Variants in ZBTB16 observed in about 807,000 individuals in gnomAD.
The protein encoded by ZBTB16 is zinc finger and BTB domain-containing protein 16.
In ZBTB16, 8 loss-of-function variants were observed where a neutral mutation model predicts 56.8. The ratio of observed to expected loss-of-function variants is 0.14; its 90% CI spans 0.08 to 0.25. ZBTB16 has a LOEUF of 0.25. Ranked by LOEUF, ZBTB16 falls within the 10% of genes least tolerant of loss-of-function variation. The pLI is 1.00. For synonymous variants in ZBTB16, 363 were observed against 368.5 expected, an observed-to-expected ratio of 0.98 and a Z score of 0.17; for missense variants, 625 against 903.0, an observed-to-expected ratio of 0.69 and a Z score of 3.95.
chr11:114,147,557 ACAT>A (rs1436188594), intron 2 of ZBTB16, among the ~76,000 whole-genome samples: 1 of 152,228 alleles, frequency 6.6e-6, no homozygotes, highest in African/African-American at 2.4e-5. Context: ...CCTTGGGCTG[ACAT>A]CATCAAGCAT....
chr11:114,233,070 C>T (rs1363445048), intron 4 of ZBTB16, among the ~76,000 whole-genome samples: 2 of 26,200 alleles, frequency 7.6e-5, no homozygotes, highest in South Asian at 2.3e-3. Flanking sequence ...TACGCATGCG[C>T]GCGCGCGCGC....
At chr11:114,203,120 G>T (rs961111334) in intron 4 of ZBTB16, among the ~76,000 whole-genome samples, 2 of 152,052 alleles carry the variant, frequency 1.3e-5, no homozygotes, top group African/African-American at 4.8e-5. Context: ...CTATAATTTG[G>T]CCATAAAAAG....
At chr11:114,222,220 C>T (rs896642760) in intron 4 of ZBTB16, among the ~76,000 whole-genome samples, 9 of 152,018 alleles carry the variant, frequency 5.9e-5, no homozygotes, top group African/African-American at 2.2e-4. Context: ...GACTTTTGCC[C>T]GAAGACTCCA....
intron 3 of ZBTB16, among the ~76,000 whole-genome samples, chr11:114,166,201 CGTGTGT>C (rs3057730): frequency 0.24 from 32,139 of 133,912 alleles, 3,653 homozygotes; most frequent in East Asian, 0.33. Context: ...GACTGGTCTA[CGTGTGT>C]GTGTGTGTGT....
chr11:114,256,138 T>C lies in ZBTB16; in HGVS notation c.*5583T>C, dbSNP rs58885922. ...TCTGTATTACACATATTTAGACTTA[T>C]CTATGTGTCACTTTTATGCCACATT... On this transcript the variant is annotated 3_prime_UTR_variant, in exon 7 of 7. Coordinates refer to ENST00000335953, the MANE Select transcript of ZBTB16 (RefSeq NM_006006.6). Among the ~76,000 whole-genome samples the C allele has an allele frequency of 8.5e-5, 13 of 152,230 alleles. No individual in the cohort carries two copies. The East Asian group carries it at 2.1e-3, about 25-fold the overall frequency.
intron 3 of ZBTB16, among the ~76,000 whole-genome samples, chr11:114,183,133 G>C (rs374751388): frequency 6.6e-6 from 1 of 152,188 alleles, no homozygotes; most frequent in Non-Finnish European, 1.5e-5. Flanking sequence ...CCGGGTGGGC[G>C]TGGGAGTACT....
intron 4 of ZBTB16, among the ~76,000 whole-genome samples, chr11:114,229,618 C>T (rs557946336): frequency 1.6e-4 from 25 of 152,360 alleles, no homozygotes; most frequent in Admixed American, 1.6e-3. Flanking sequence ...TTCGTAGCTA[C>T]GTTCTCTGCT....
intron 4 of ZBTB16, among the ~76,000 whole-genome samples, chr11:114,224,190 A>G (rs1944288686): frequency 6.6e-6 from 1 of 152,200 alleles, no homozygotes; most frequent in African/African-American, 2.4e-5. Context: ...TAATATTGCC[A>G]TCATTTAGGC....
chr11:114,167,296 G>A, intron 3 of ZBTB16, among the ~76,000 whole-genome samples: 1 of 117,100 alleles, frequency 8.5e-6, no homozygotes, highest in Non-Finnish European at 1.6e-5. Flanking sequence ...CTCAGAGAGG[G>A]CTTGGCTGTG....
rs528334867 is a variant in ZBTB16, at chr11:114,251,096, C to T, written c.*541C>T. Among the ~76,000 whole-genome samples the T allele has an allele frequency of 1.2e-3, 181 of 152,258 alleles. No homozygotes were observed. The highest frequency in any genetic ancestry group is 3.9e-3 in the South Asian group (19 of 4,822). ...TGGGGAGGAGAAGGGCTCTGTTTCT[C>T]TTCCCACCACTCAGCCCACCTGCTG... On this transcript the variant is annotated 3_prime_UTR_variant, in exon 7 of 7. Coordinates refer to ENST00000335953, the MANE Select transcript of ZBTB16 (RefSeq NM_006006.6).
intron 3 of ZBTB16, among the ~76,000 whole-genome samples, chr11:114,174,714 T>G (rs1196594449): frequency 6.6e-6 from 1 of 152,216 alleles, no homozygotes; most frequent in Non-Finnish European, 1.5e-5. Flanking sequence ...GTGATAATCA[T>G]TGCACTCTTC....
intron 2 of ZBTB16, among the ~76,000 whole-genome samples, chr11:114,128,724 T>A (rs1472437842): frequency 1.3e-5 from 2 of 152,072 alleles, no homozygotes; most frequent in Non-Finnish European, 2.9e-5. Context: ...TGTCTGGCTG[T>A]GGGTTCTGGC....
chr11:114,120,333 C>T (rs1425281255), intron 2 of ZBTB16, among the ~76,000 whole-genome samples: 1 of 152,112 alleles, frequency 6.6e-6, no homozygotes, highest in African/African-American at 2.4e-5. Context: ...AGGGCAGCAG[C>T]CTGGAAGCAA....
chr11:114,082,961 C>T (rs756895105), intron 2 of ZBTB16, among the ~76,000 whole-genome samples: 3 of 152,236 alleles, frequency 2.0e-5, no homozygotes, highest in South Asian at 2.1e-4. Context: ...GTCTGCAAAC[C>T]GACAGTGGCA....
In ZBTB16 at chr11:114,063,106, G is replaced by T; in HGVS notation, c.-90-105G>T. 1 of 626,886 alleles carries T rather than the reference G, an allele frequency of 1.6e-6. No homozygotes were observed. Among genetic ancestry groups the T allele is most frequent in the East Asian group, 2.8e-5 (1 of 36,176 alleles). The allele number at this position is 626,886 out of a possible 1,614,324, so 38.8% of individuals were successfully genotyped here. A position where few individuals can be genotyped will look rare whatever the true frequency, so the allele number is the denominator to read the frequency against. Reference sequence around the variant, plus strand: ...CTTGCTAAGGGCTTGGCAACAGGGAGGAGGGGGCATGTTGTAGTGGTTGAA... The same window carrying T: ...CTTGCTAAGGGCTTGGCAACAGGGATGAGGGGGCATGTTGTAGTGGTTGAA... On this transcript the variant is annotated intron_variant, in intron 1 of 6. Coordinates refer to ENST00000335953, the MANE Select transcript of ZBTB16 (RefSeq NM_006006.6). This position sits in a 1 kb window ranked among gnomAD's most constrained non-coding sequence, Gnocchi z 6.5.
chr11:114,247,919 C>T (rs1050786308), intron 6 of ZBTB16, among the ~76,000 whole-genome samples: 3 of 148,060 alleles, frequency 2.0e-5, no homozygotes, highest in Non-Finnish European at 4.5e-5. Context: ...TTTTTTTAGA[C>T]GGAGTTTCGC....
chr11:114,115,406 G>A (rs541441368), intron 2 of ZBTB16, among the ~76,000 whole-genome samples: 1 of 133,970 alleles, frequency 7.5e-6, no homozygotes, highest in South Asian at 2.4e-4. Flanking sequence ...CATCAGCTTT[G>A]ATGTCTATTG....
At chr11:114,204,963 A>C in intron 4 of ZBTB16, among the ~76,000 whole-genome samples, 1 of 152,182 alleles carries the variant, frequency 6.6e-6, no homozygotes, top group East Asian at 1.9e-4. Context: ...GGGCAGACTG[A>C]GGAAAATATA....
At chr11:114,208,404 G>T (rs1943931531) in intron 4 of ZBTB16, among the ~76,000 whole-genome samples, 9 of 152,168 alleles carry the variant, frequency 5.9e-5, no homozygotes. Context: ...TCCTTTGCAA[G>T]TCTCAGATTC....
Sources: gnomAD v4.1 joint callset for allele counts (sites outside exome capture counted in the v4.1 genomes callset) on GRCh38, gnomAD v4.1.1 for gene constraint, Gnocchi (gnomAD v3.1) non-coding constraint, MANE v1.5 for transcripts, NCBI Gene and HGNC (gene_info 2026-07-23, HGNC 2026-07-21) for gene names.